Variants in LAIR1 observed in about 807,000 individuals in gnomAD.
The protein encoded by LAIR1 is leukocyte associated immunoglobulin like receptor 1.
LAIR1 carries 24 observed loss-of-function variants against 32.8 expected under a neutral mutation model. The ratio of observed to expected loss-of-function variants is 0.73; its 90% CI spans 0.53 to 1.03. The LOEUF (loss-of-function observed/expected upper bound fraction) is 1.03, where lower values mean the gene tolerates loss of function less well. Ranked by LOEUF, LAIR1 falls within the 50% of genes least tolerant of loss-of-function variation. The pLI, the probability that LAIR1 is intolerant of heterozygous loss-of-function variation, is 0.00. For synonymous variants in LAIR1, 150 were observed against 140.5 expected (o/e 1.07, Z -0.48); for missense variants, 355 against 347.5 (o/e 1.02, Z -0.17).
chr19:54,355,349 C>T lies in LAIR1; in HGVS notation c.783G>A (p.Gln261=), dbSNP rs748673200. ...YAQLDHWALT[Q]RTARAVSPQS... ...GTGGGGACACAGCCCGGGCTGTCCT[C>T]TGTGTGAGGGCCCAGTGGTCCAGCT... is the stretch of plus-strand genomic sequence containing the variant. Residue 261 remains glutamine, a synonymous_variant, in exon 10 of 10, where the codon CAG becomes CAA. Coordinates refer to ENST00000391742, the MANE Select transcript of LAIR1 (RefSeq NM_002287.6). This position sits in a 1 kb window ranked among gnomAD's most constrained non-coding sequence, Gnocchi z 4.7. 4.8e-5 allele frequency: 77 copies of T among 1,613,388 alleles called. No individual in the cohort carries two copies. Among genetic ancestry groups the T allele is most frequent in the Non-Finnish European group, 6.3e-5 (74 of 1,179,718 alleles).
rs928143203 is a variant in LAIR1 at position 54,355,064 on chromosome 19, C to T, written c.*204G>A. The T allele has an allele frequency of 8.9e-5, 46 of 518,146 alleles. No homozygotes were observed. The highest frequency in any genetic ancestry group is 1.3e-4 in the Non-Finnish European group (37 of 291,614). 32.1% of individuals were successfully genotyped at this position (518,146 alleles called of 1,614,324 possible). A position where few individuals can be genotyped will look rare whatever the true frequency, so the allele number is the denominator to read the frequency against. On this transcript the variant is annotated 3_prime_UTR_variant, in exon 10 of 10. Transcript: ENST00000391742. This position sits in a 1 kb window ranked among gnomAD's most constrained non-coding sequence, Gnocchi z 4.7. ...GAAACAGTCTGTCCAAGGAGCTGCTCGATTGTAGAAGGGACCACCTGGCTA... is the reference window on the plus strand; with the variant it reads ...GAAACAGTCTGTCCAAGGAGCTGCTTGATTGTAGAAGGGACCACCTGGCTA...
At chr19:54,365,141 A>C, upstream of LAIR1, 2 of 1,009,670 alleles carry the variant, frequency 2.0e-6, no homozygotes, top group Non-Finnish European at 2.5e-6. Context: ...ATTGACTTGG[A>C]CGCCGTCCCA....
At chr19:54,374,446 C>A (rs187094496), upstream of LAIR1, among the ~76,000 whole-genome samples, 1 of 152,122 alleles carries the variant, frequency 6.6e-6, no homozygotes, top group African/African-American at 2.4e-5. Flanking sequence ...GGGGTCCACA[C>A]GGCCCACTCC....
Position 54,364,539 on chromosome 19 carries a change from C to T in LAIR1, c.35-209G>A. ...AAAGTCTCCTCCTCCAAAAAGGCTC[C>T]TGCTCCCCCAGCCCTTCTTAAAGCT... On this transcript the variant is annotated intron_variant, in intron 1 of 9. Coordinates refer to ENST00000391742, the MANE Select transcript of LAIR1 (RefSeq NM_002287.6). The surrounding 1 kb of genome is among the most constrained non-coding windows in gnomAD (Gnocchi z 4.8). 1.2e-6 allele frequency: 1 copy of T among 801,730 alleles called. No individual in the cohort carries two copies. The highest frequency in any genetic ancestry group is 2.2e-6 in the Non-Finnish European group (1 of 461,386). 49.7% of individuals were successfully genotyped at this position (801,730 alleles called of 1,614,324 possible).
At chr19:54,371,006 C>T (rs1211677330), upstream of LAIR1, among the ~76,000 whole-genome samples, 2 of 149,772 alleles carry the variant, frequency 1.3e-5, no homozygotes, top group Non-Finnish European at 2.9e-5. Context: ...CAAGACTTTA[C>T]CAGCACACTG....
Position 54,364,856 on chromosome 19 carries a change from A to C in LAIR1, c.-52T>G. On this transcript the variant is annotated 5_prime_UTR_variant, in exon 1 of 10. Transcript: ENST00000391742. The surrounding 1 kb of genome is among the most constrained non-coding windows in gnomAD (Gnocchi z 4.8). Reference sequence around the variant, plus strand: ...GCCTGAGGCGCACCAATGCAAGGACAGAACTCTGCAGCAGACACAAGCAGA... The same window carrying C: ...GCCTGAGGCGCACCAATGCAAGGACCGAACTCTGCAGCAGACACAAGCAGA... The C allele has an allele frequency of 1.2e-6, 2 of 1,614,054 alleles. No individual in the cohort carries two copies. The highest frequency in any genetic ancestry group is 1.7e-6 in the Non-Finnish European group (2 of 1,179,946).
At chr19:54,367,757 A>T (rs1394819764), upstream of LAIR1, among the ~76,000 whole-genome samples, 175 of 133,816 alleles carry the variant, frequency 1.3e-3, 5 homozygotes, top group South Asian at 0.032. Flanking sequence ...AAAAATATAT[A>T]TTTTTTTTAA....
intron 7 of LAIR1, 38 bp from the exon 8 acceptor site, chr19:54,356,305 T>G: frequency 6.2e-7 from 1 of 1,608,704 alleles, no homozygotes; most frequent in South Asian, 1.1e-5. Context: ...AGGGGCAGCC[T>G]GGCGGCCGAG....
chr19:54,373,170 T>C (rs182225545), upstream of LAIR1, among the ~76,000 whole-genome samples: 187 of 150,038 alleles, frequency 1.2e-3, 1 homozygote, highest in Non-Finnish European at 2.0e-3. Flanking sequence ...AGTCCTGGTG[T>C]GGTGGCTCAC....
At position 54,364,387 on chromosome 19, in the gene LAIR1, G is replaced by T; in HGVS notation, c.35-57C>A. Reference sequence around the variant, plus strand: ...CAGTGCCCAGTCTCCTTACGGGGCTGCTGTCAAAAGGGGGCTCGATGGAGC... The same window carrying T: ...CAGTGCCCAGTCTCCTTACGGGGCTTCTGTCAAAAGGGGGCTCGATGGAGC... On this transcript the variant is annotated intron_variant, in intron 1 of 9. Transcript: ENST00000391742. This position sits in a 1 kb window ranked among gnomAD's most constrained non-coding sequence, Gnocchi z 4.8. 1 of 1,609,498 alleles carries T rather than the reference G, an allele frequency of 6.2e-7. No homozygotes were observed. The highest frequency in any genetic ancestry group is 8.5e-7 in the Non-Finnish European group (1 of 1,175,852).
At chr19:54,366,605 C>T (rs1273156208), upstream of LAIR1, among the ~76,000 whole-genome samples, 1 of 152,150 alleles carries the variant, frequency 6.6e-6, no homozygotes, top group Admixed American at 6.5e-5. Context: ...TCTCCTGCCT[C>T]AGCCTCCCGA....
chr19:54,366,967 G>A (rs57300918), upstream of LAIR1, among the ~76,000 whole-genome samples: 6,741 of 152,188 alleles, frequency 0.044, 522 homozygotes, highest in African/African-American at 0.15. Context: ...AGAAAAGTCC[G>A]TTTTCAGGGG....
chr19:54,358,915 C>T (rs1403663272), intron 4 of LAIR1, among the ~76,000 whole-genome samples: 3 of 151,932 alleles, frequency 2.0e-5, no homozygotes, highest in East Asian at 3.8e-4. Context: ...CTTTATATGT[C>T]ACTGCATGAA....
At chr19:54,376,062 T>C in the LAIR1 span, among the ~76,000 whole-genome samples, 7 of 143,880 alleles carry the variant, frequency 4.9e-5, no homozygotes, top group African/African-American at 1.8e-4. Context: ...AGTGCTCTGT[T>C]ACCAGTGAGG....
the LAIR1 span, among the ~76,000 whole-genome samples, chr19:54,375,758 G>A: frequency 6.6e-6 from 1 of 151,734 alleles, no homozygotes; most frequent in East Asian, 1.9e-4. Flanking sequence ...GTTTCCAGGC[G>A]CCTATTAAGG....
At position 54,364,674 on chromosome 19, in the gene LAIR1, C is replaced by T; in HGVS notation, c.34+97G>A. The T allele has an allele frequency of 9.2e-7, 1 of 1,088,592 alleles. No homozygotes were observed. The highest frequency in any genetic ancestry group is 1.4e-6 in the Non-Finnish European group (1 of 708,728). The allele number at this position is 1,088,592 out of a possible 1,614,324, so 67.4% of individuals were successfully genotyped here. A position where few individuals can be genotyped will look rare whatever the true frequency, so the allele number is the denominator to read the frequency against. ...GTCTTGGGAGGAGGAGGACACTTTC[C>T]TCCCCAGAATCTTCTGGACTAGAGT... is the stretch of plus-strand genomic sequence containing the variant. On this transcript the variant is annotated intron_variant, in intron 1 of 9. Coordinates refer to ENST00000391742, the MANE Select transcript of LAIR1 (RefSeq NM_002287.6). This position sits in a 1 kb window ranked among gnomAD's most constrained non-coding sequence, Gnocchi z 4.8.
upstream of LAIR1, among the ~76,000 whole-genome samples, chr19:54,367,423 A>T (rs1290123369): frequency 6.6e-6 from 1 of 152,138 alleles, no homozygotes; most frequent in African/African-American, 2.4e-5. Context: ...ACAATAAACC[A>T]ACTAAAACTG....
chr19:54,375,399 T>C (rs2082482620), upstream of LAIR1, among the ~76,000 whole-genome samples: 1 of 152,168 alleles, frequency 6.6e-6, no homozygotes, highest in African/African-American at 2.4e-5. Flanking sequence ...AGAGACTCAG[T>C]CCCAACCGTC....
chr19:54,364,413 T>TG lies in LAIR1; in HGVS notation c.35-84dup. 6.5e-7 allele frequency: 1 copy of TG among 1,548,944 alleles called. No individual in the cohort carries two copies. Among genetic ancestry groups the TG allele is most frequent in the African/African-American group, 1.4e-5 (1 of 73,688 alleles). The stretch of plus-strand genomic sequence containing the variant: ...CTGTCAAAAGGGGGCTCGATGGAGC[T>TG]GGGGGGCATTCAGCATTTCATAACG... On this transcript the variant is annotated intron_variant, in intron 1 of 9. Transcript: ENST00000391742. This position sits in a 1 kb window ranked among gnomAD's most constrained non-coding sequence, Gnocchi z 4.8.
Sources: gnomAD v4.1 joint callset for allele counts (sites outside exome capture counted in the v4.1 genomes callset) on GRCh38, gnomAD v4.1.1 for gene constraint, Gnocchi (gnomAD v3.1) non-coding constraint, MANE v1.5 for transcripts, NCBI Gene and HGNC (gene_info 2026-07-23, HGNC 2026-07-21) for gene names.